The following SORCS1 variants were observed in gnomAD, a reference collection of about 807,000 sequenced individuals.
The protein encoded by SORCS1 is VPS10 domain-containing receptor SorCS1.
SORCS1 carries 60 observed loss-of-function variants against 146.1 expected under a neutral mutation model. The ratio of observed to expected loss-of-function variants is 0.41; its 90% CI spans 0.33 to 0.51. The LOEUF is 0.51. SORCS1 is among the 20% of genes least tolerant of loss of function. The pLI, the probability that SORCS1 is intolerant of heterozygous loss-of-function variation, is 0.21. For synonymous variants in SORCS1, 637 were observed against 584.0 expected (o/e 1.09, Z -1.31); for missense variants, 1,352 against 1,487.6 (o/e 0.91, Z 1.50).
intron 5 of SORCS1, among the ~76,000 whole-genome samples, chr10:106,739,718 G>A (rs144738400): frequency 3.3e-5 from 5 of 151,992 alleles, no homozygotes; most frequent in South Asian, 2.1e-4. Flanking sequence ...TTGGGAGGCC[G>A]AGTCGGGCAG....
intron 2 of SORCS1, among the ~76,000 whole-genome samples, chr10:106,912,533 T>C (rs1952217840): frequency 6.6e-6 from 1 of 152,176 alleles, no homozygotes. Flanking sequence ...GGACCACCAC[T>C]TTCTAAGTGA....
At chr10:106,739,349 G>T (rs891516353) in intron 5 of SORCS1, among the ~76,000 whole-genome samples, 1 of 152,052 alleles carries the variant, frequency 6.6e-6, no homozygotes, top group Non-Finnish European at 1.5e-5. Context: ...TCCTGGCGTG[G>T]TGGCACATAC....
chr10:106,829,717 A>C, intron 2 of SORCS1, 44 bp from the exon 3 acceptor site: 1 of 1,480,800 alleles, frequency 6.8e-7, no homozygotes. Context: ...AGTATATGTC[A>C]TTTGGCTGCT....
intron 2 of SORCS1, among the ~76,000 whole-genome samples, chr10:106,926,879 AGAGAG>A (rs1564818702): frequency 2.1e-5 from 3 of 140,986 alleles, no homozygotes; most frequent in Admixed American, 7.0e-5. Flanking sequence ...AGAGAGAGAG[AGAGAG>A]AGAGAGAGAG....
rs546747134 is a variant in SORCS1 at position 107,102,029 on chromosome 10, C to CGTGAAA, written c.558+61939_558+61940insTTTCAC. Among the ~76,000 whole-genome samples the CGTGAAA allele has an allele frequency of 9.3e-3, 1,422 of 152,112 alleles. 14 individuals are homozygous for CGTGAAA. The highest frequency in any genetic ancestry group is 0.011 in the Non-Finnish European group (727 of 68,010). ...CATTTAGTGTGTGTTTTCAGTATGG[C>CGTGAAA]CTGGATCAAACATAAGGGAGCTTTC... On this transcript the variant is annotated intron_variant, in intron 1 of 25. Transcript: ENST00000263054.
At chr10:106,667,464 C>T (rs1378345558) in intron 17 of SORCS1, among the ~76,000 whole-genome samples, 1 of 152,156 alleles carries the variant, frequency 6.6e-6, no homozygotes, top group Non-Finnish European at 1.5e-5. Flanking sequence ...GATCTTCAAT[C>T]AAGAAACATT....
At chr10:106,631,109 AGATTAATTCACAG>A (rs1415010850) in intron 18 of SORCS1, among the ~76,000 whole-genome samples, 1 of 152,240 alleles carries the variant, frequency 6.6e-6, no homozygotes, top group East Asian at 1.9e-4. Context: ...GACATTTAAA[AGATTAATTCACAG>A]GGAAAAAGAA....
At chr10:107,009,189 T>C (rs1287133840) in intron 1 of SORCS1, among the ~76,000 whole-genome samples, 1 of 152,192 alleles carries the variant, frequency 6.6e-6, no homozygotes, top group African/African-American at 2.4e-5. Flanking sequence ...TGCAGTGACA[T>C]CTGCATATAG....
intron 18 of SORCS1, among the ~76,000 whole-genome samples, chr10:106,629,861 T>C (rs1434435563): frequency 1.3e-5 from 2 of 152,076 alleles, no homozygotes. Flanking sequence ...CTGGCCAACA[T>C]GGTGAAACCC....
the SORCS1 span, among the ~76,000 whole-genome samples, chr10:107,177,522 G>T: frequency 6.6e-6 from 1 of 152,010 alleles, no homozygotes; most frequent in African/African-American, 2.4e-5. Context: ...ATATTTATAG[G>T]ATCTGTTGCA....
At chr10:107,178,218 G>A in the SORCS1 span, among the ~76,000 whole-genome samples, 54 of 152,264 alleles carry the variant, frequency 3.5e-4, no homozygotes, top group African/African-American at 1.2e-3. Context: ...TCACCCTACT[G>A]TGCTAGCAAA....
At chr10:106,859,761 T>G (rs1022699388) in intron 2 of SORCS1, among the ~76,000 whole-genome samples, 1 of 152,196 alleles carries the variant, frequency 6.6e-6, no homozygotes, top group Non-Finnish European at 1.5e-5. Context: ...TTATACTGTA[T>G]GTGATTTATT....
chr10:107,176,315 TTC>T, the SORCS1 span, among the ~76,000 whole-genome samples: 2 of 70,946 alleles, frequency 2.8e-5, no homozygotes, highest in Non-Finnish European at 7.3e-5. Flanking sequence ...CTCTCTTTCT[TTC>T]TCTCTCTCTC....
chr10:107,049,069 T>C (rs1369062736), intron 1 of SORCS1, among the ~76,000 whole-genome samples: 3 of 151,256 alleles, frequency 2.0e-5, no homozygotes, highest in African/African-American at 4.9e-5. Context: ...ATATACACCA[T>C]GGAATACTAT....
At chr10:107,102,994 C>A (rs985888190) in intron 1 of SORCS1, among the ~76,000 whole-genome samples, 3 of 152,150 alleles carry the variant, frequency 2.0e-5, no homozygotes, top group African/African-American at 7.2e-5. Flanking sequence ...ATGCAGATAA[C>A]ATTTTTTGCC....
chr10:106,576,967 AAGAG>A lies in SORCS1; in HGVS notation c.*449_*452del, dbSNP rs754778290. 3.1e-5 allele frequency: 8 copies of A among 256,582 alleles called. No homozygotes were observed. The highest frequency in any genetic ancestry group is 6.1e-5 in the Non-Finnish European group (8 of 130,916). The allele number at this position is 256,582 out of a possible 1,614,324, so 15.9% of individuals were successfully genotyped here. ...TCTACAAACACGACCGATCAGAAAA[AAGAG>A]AGAGAAGAAGAAAGAGGGAGAGGGG... On this transcript the variant is annotated 3_prime_UTR_variant, in exon 26 of 26. Coordinates refer to ENST00000263054, the MANE Select transcript of SORCS1 (RefSeq NM_052918.5).
At chr10:106,749,192 T>A (rs1857966417) in intron 5 of SORCS1, among the ~76,000 whole-genome samples, 1 of 152,210 alleles carries the variant, frequency 6.6e-6, no homozygotes, top group Non-Finnish European at 1.5e-5. Flanking sequence ...ATATGAGATT[T>A]GGAAGGCAGG....
intron 1 of SORCS1, among the ~76,000 whole-genome samples, chr10:106,961,523 G>A (rs765951128): frequency 5.3e-5 from 8 of 152,150 alleles, no homozygotes; most frequent in South Asian, 2.1e-4. Context: ...AAAACATAGC[G>A]TCTTCCTCTC....
chr10:106,930,787 A>C (rs1953379279), intron 2 of SORCS1, among the ~76,000 whole-genome samples: 3 of 152,094 alleles, frequency 2.0e-5, no homozygotes. Flanking sequence ...AAACTTCTTC[A>C]AAAGTCCAGG....
Sources: allele counts gnomAD v4.1 joint callset (sites outside exome capture counted in the v4.1 genomes callset), GRCh38; gene constraint gnomAD v4.1.1; transcripts MANE v1.5; gene names NCBI Gene and HGNC (gene_info 2026-07-23, HGNC 2026-07-21).